COL6A3: variants seen among roughly 807,000 people sequenced by gnomAD.
The protein encoded by COL6A3 is collagen alpha-3(VI) chain.
A neutral mutation model predicts 274.1 loss-of-function variants in COL6A3; 137 were observed. The observed-to-expected ratio is 0.50, with a 90% CI of 0.44 to 0.58. The LOEUF is 0.58. COL6A3 is among the 20% of genes least tolerant of loss of function. The pLI is 0.00. For missense variants in COL6A3, 3,950 were observed against 4,124.9 expected, an observed-to-expected ratio of 0.96 and a Z score of 1.16; for synonymous variants, 1,650 against 1,650.6, an observed-to-expected ratio of 1.00 and a Z score of 0.01.
chr2:237,336,318 C>T lies in COL6A3; in HGVS notation c.8782G>A (p.Ala2928Thr). ...ACCGCCACTGGGGGTCTAACAGTGG[C>T]CATCTTTGTGGCCACAGGCTTGGCA... The part of the protein sequence containing the change: ...VAAKPVATKM[A>T]TVRPPVAVKP... The change falls in exon 40 of 44, where the codon GCC becomes ACC. Residue 2928 changes from alanine (A) to threonine (T), a missense_variant. Coordinates refer to ENST00000295550, the MANE Select transcript of COL6A3 (RefSeq NM_004369.4). 1 of 1,613,354 alleles carries T rather than the reference C, an allele frequency of 6.2e-7. No individual in the cohort carries two copies. The highest frequency in any genetic ancestry group is 8.5e-7 in the Non-Finnish European group (1 of 1,179,396).
At chr2:237,406,666 G>A (rs1481470430) in intron 1 of COL6A3, among the ~76,000 whole-genome samples, 8 of 151,114 alleles carry the variant, frequency 5.3e-5, no homozygotes, top group African/African-American at 1.9e-4. Context: ...CACGAATCCT[G>A]GGAAAGGAGT....
intron 27 of COL6A3, 149 bp from the exon 28 acceptor site, chr2:237,350,358 T>C (rs1018551021): frequency 1.3e-6 from 1 of 746,852 alleles, no homozygotes; most frequent in Non-Finnish European, 2.3e-6. Flanking sequence ...AATTGCAACA[T>C]TCATGTGCAA....
At position 237,377,330 on chromosome 2, in the gene COL6A3, T is replaced by C; in HGVS notation, c.2512A>G (p.Ile838Val). Residue 838 changes from isoleucine to valine, a missense_variant, in exon 7 of 44, where the codon ATT (isoleucine) becomes GTT (valine). Around this residue, in one of 5 missense-constraint regions of COL6A3, gnomAD observed 1,934 missense variants for 1,984.3 expected, o/e 0.97. Coordinates refer to ENST00000295550, the MANE Select transcript of COL6A3 (RefSeq NM_004369.4). ...GCTGAGCCGTCAAAGAGGAACAGAA[T>C]GTCTCGCTTGCTCTCTGCAATGAAG... The part of the protein sequence containing the change: ...PLAQPESKRD[I>V]LFLFDGSANL... The C allele has an allele frequency of 6.2e-7, 1 of 1,600,232 alleles. No homozygotes were observed. Among genetic ancestry groups the C allele is most frequent in the Non-Finnish European group, 8.5e-7 (1 of 1,179,940 alleles).
At chr2:237,397,466 A>G (rs1574762626) in intron 1 of COL6A3, among the ~76,000 whole-genome samples, 1 of 121,738 alleles carries the variant, frequency 8.2e-6, no homozygotes. Context: ...AAAGAGAGAG[A>G]GGGAGGGAGG....
chr2:237,348,700 T>A (rs1365171065), intron 28 of COL6A3, 37 bp from the exon 29 acceptor site: 4 of 1,596,872 alleles, frequency 2.5e-6, no homozygotes, highest in Non-Finnish European at 2.6e-6. Context: ...TAGGTCGCCA[T>A]GCCTGGCACA....
At position 237,361,752 on chromosome 2, in the gene COL6A3, C is replaced by T; in HGVS notation, c.6143G>A (p.Ser2048Asn). Residue 2048 changes from serine (S) to asparagine (N), a missense_variant, in exon 15 of 44, where the codon AGC becomes AAC. By Grantham distance (46) the Ser-to-Asn change is conservative. Transcript: ENST00000295550. The surrounding 1 kb of genome is among the most constrained non-coding windows in gnomAD (Gnocchi z 5.1). ...AAGCCACCGTACCTTTGGCCCGATG[C>T]TGCCGATGGGCCCGCGGTCTCCCCT... Reference protein sequence around the residue: ...GQRGDRGPIGSIGPKGIPGED... With the variant: ...GQRGDRGPIGNIGPKGIPGED... 1 of 1,614,210 alleles carries T rather than the reference C, an allele frequency of 6.2e-7. No individual in the cohort carries two copies.
At chr2:237,397,380 A>T (rs1269067963) in intron 1 of COL6A3, among the ~76,000 whole-genome samples, 1 of 150,794 alleles carries the variant, frequency 6.6e-6, no homozygotes. Context: ...GGAGAAGAAG[A>T]GAAAGAAGCA....
At position 237,365,847 on chromosome 2, in the gene COL6A3, G is replaced by A. The variant is rs1371216508; in HGVS notation, c.5689C>T (p.Pro1897Ser). The A allele has an allele frequency of 9.9e-6, 16 of 1,614,200 alleles. No individual in the cohort carries two copies. Among genetic ancestry groups the A allele is most frequent in the Non-Finnish European group, 1.2e-5 (14 of 1,180,042 alleles). ...TCGTCAAAGTCAAAGGCCTCCACCG[G>A]GCCCGAGGGCGTGTTGGCCACCACT... The part of the protein sequence containing the change: ...VSVVANTPSG[P>S]VEAFDFDEYQ... The change falls in exon 12 of 44, where the codon CCG (proline) becomes TCG (serine). Residue 1897 changes from proline (P) to serine (S), a missense_variant. Physicochemically the swap from Pro to Ser is moderately conservative, Grantham distance 74. Transcript: ENST00000295550.
rs10427279 is a variant in COL6A3 at position 237,403,681 on chromosome 2, T to C, written c.-30-6834A>G. ...GACATGGATATATGTTAACACAATG[T>C]AGAAGAGCAGTCTCCAGTGCTTGTG... On this transcript the variant is annotated intron_variant, in intron 1 of 43. Transcript: ENST00000295550. Among the ~76,000 whole-genome samples, 1,322 of 152,252 alleles carry C rather than the reference T, an allele frequency of 8.7e-3. 10 individuals carry two copies. The highest frequency in any genetic ancestry group is 0.03 in the African/African-American group (1,252 of 41,554).
rs769588441 is a variant in COL6A3 at position 237,344,986 on chromosome 2, G to A, written c.7163-34C>T. 15 of 1,614,008 alleles carry A rather than the reference G, an allele frequency of 9.3e-6. No individual in the cohort carries two copies. Among genetic ancestry groups the A allele is most frequent in the Non-Finnish European group, 1.3e-5 (15 of 1,180,010 alleles). On this transcript the variant is annotated intron_variant, in intron 34 of 43. Transcript: ENST00000295550. This position sits in a 1 kb window ranked among gnomAD's most constrained non-coding sequence, Gnocchi z 4.8. ...GAAGCAAAGAGAAGAAAGGGTGAGA[G>A]ACTACTCTACCATGTGAGAATTTCG...
At chr2:237,384,069 T>C (rs1207328303) in intron 4 of COL6A3, among the ~76,000 whole-genome samples, 10 of 152,132 alleles carry the variant, frequency 6.6e-5, no homozygotes. Context: ...TAGTAAACAC[T>C]GAAAAATATT....
intron 43 of COL6A3, 64 bp downstream of exon 43, chr2:237,325,496 A>G (rs1699890956): frequency 1.9e-6 from 3 of 1,544,522 alleles, no homozygotes; most frequent in South Asian, 2.2e-5. Context: ...ATATTTTTCA[A>G]GGTGACTTAT....
chr2:237,403,115 G>A (rs1185856204), intron 1 of COL6A3, among the ~76,000 whole-genome samples: 1 of 152,152 alleles, frequency 6.6e-6, no homozygotes, highest in South Asian at 2.1e-4. Flanking sequence ...GCCAGTCAAG[G>A]ACAGGAGCTA....
rs1482771155 is a variant in COL6A3, at chr2:237,324,755, T to A, written c.*19A>T. ...GACTCCTTCTTCTTCAAGAGGTATA[T>A]GATGTTGGCCACCCACGCTTAGGTT... On this transcript the variant is annotated 3_prime_UTR_variant, in exon 44 of 44. Coordinates refer to ENST00000295550, the MANE Select transcript of COL6A3 (RefSeq NM_004369.4). The A allele has an allele frequency of 6.2e-7, 1 of 1,613,584 alleles. No homozygotes were observed. Among genetic ancestry groups the A allele is most frequent in the Non-Finnish European group, 8.5e-7 (1 of 1,179,766 alleles).
intron 42 of COL6A3, among the ~76,000 whole-genome samples, chr2:237,331,909 A>G (rs1455160811): frequency 6.7e-6 from 1 of 150,212 alleles, no homozygotes. Context: ...ATCTGTATCA[A>G]CTACTTGCAG....
At chr2:237,339,696 T>G (rs539761811) in intron 38 of COL6A3, among the ~76,000 whole-genome samples, 1 of 152,282 alleles carries the variant, frequency 6.6e-6, no homozygotes, top group East Asian at 1.9e-4. Context: ...TAAATCCCCC[T>G]CATCTGTTCC....
Position 237,344,984 on chromosome 2 carries a change from G to A in COL6A3, c.7163-32C>T. Reference sequence around the variant, plus strand: ...AAGAAGCAAAGAGAAGAAAGGGTGAGAGACTACTCTACCATGTGAGAATTT... The same window carrying A: ...AAGAAGCAAAGAGAAGAAAGGGTGAAAGACTACTCTACCATGTGAGAATTT... On this transcript the variant is annotated intron_variant, in intron 34 of 43. Transcript: ENST00000295550. The surrounding 1 kb of genome is among the most constrained non-coding windows in gnomAD (Gnocchi z 4.8). 1 of 1,614,196 alleles carries A rather than the reference G, an allele frequency of 6.2e-7. No homozygotes were observed. Among genetic ancestry groups the A allele is most frequent in the Non-Finnish European group, 8.5e-7 (1 of 1,180,038 alleles).
intron 4 of COL6A3, among the ~76,000 whole-genome samples, chr2:237,382,131 C>T (rs2078022370): frequency 6.6e-6 from 1 of 152,182 alleles, no homozygotes; most frequent in Admixed American, 6.5e-5. Context: ...GCCTGTAATC[C>T]CAGCACTTTG....
At chr2:237,408,566 C>T (rs1322011053) in intron 1 of COL6A3, among the ~76,000 whole-genome samples, 2 of 152,204 alleles carry the variant, frequency 1.3e-5, no homozygotes, top group South Asian at 2.1e-4. Flanking sequence ...TGAGTCAACT[C>T]CAGCTGCTGT....
Sources: gnomAD v4.1 joint callset for allele counts (sites outside exome capture counted in the v4.1 genomes callset) on GRCh38, gnomAD v4.1.1 for gene constraint, gnomAD v4.1.1 regional missense constraint, Gnocchi (gnomAD v3.1) non-coding constraint, MANE v1.5 for transcripts, NCBI Gene and HGNC (gene_info 2026-07-23, HGNC 2026-07-21) for gene names.